FTO: variants seen among roughly 807,000 people sequenced by gnomAD.
FTO encodes FTO alpha-ketoglutarate dependent dioxygenase.
In FTO, 47 loss-of-function variants were observed where a neutral mutation model predicts 63.9. The observed-to-expected ratio is 0.74, with a 90% confidence interval of 0.58 to 0.94. FTO has a LOEUF of 0.94. Ranked by LOEUF, FTO falls within the 40% of genes least tolerant of loss-of-function variation. FTO has a pLI of 0.00. For synonymous variants in FTO, 207 were observed against 224.4 expected (o/e 0.92, Z 0.69); for missense variants, 562 against 618.1 (o/e 0.91, Z 0.96).
intron 4 of FTO, among the ~76,000 whole-genome samples, chr16:53,855,728 T>C (rs890443340): frequency 6.6e-6 from 1 of 152,204 alleles, no homozygotes; most frequent in Non-Finnish European, 1.5e-5. Context: ...GCCTATTCTT[T>C]TTCACAGTAA....
At chr16:54,082,375 A>G (rs2086170308) in intron 8 of FTO, among the ~76,000 whole-genome samples, 1 of 152,192 alleles carries the variant, frequency 6.6e-6, no homozygotes, top group African/African-American at 2.4e-5. Context: ...GTTTTATAAT[A>G]TGTAGAAAAC....
chr16:53,758,190 A>C (rs749131528), intron 1 of FTO, among the ~76,000 whole-genome samples: 1 of 152,212 alleles, frequency 6.6e-6, no homozygotes, highest in Non-Finnish European at 1.5e-5. Context: ...TAAGAAGTAC[A>C]TATGCTGCCT....
intron 7 of FTO, among the ~76,000 whole-genome samples, chr16:53,927,855 A>T (rs4784331): frequency 0.58 from 87,725 of 152,090 alleles, 25,790 homozygotes; most frequent in East Asian, 0.85. Context: ...CTTCTGGTAC[A>T]TAAAAATTTT....
At chr16:54,013,697 G>C (rs1290171868) in intron 8 of FTO, among the ~76,000 whole-genome samples, 9 of 152,178 alleles carry the variant, frequency 5.9e-5, no homozygotes, top group Non-Finnish European at 8.8e-5. Flanking sequence ...ATTGTGACTT[G>C]CTAAAGGCTC....
chr16:54,084,599 A>G (rs1442841572), intron 8 of FTO, among the ~76,000 whole-genome samples: 1 of 152,184 alleles, frequency 6.6e-6, no homozygotes, highest in Non-Finnish European at 1.5e-5. Flanking sequence ...GAAGCATTAA[A>G]TTCAGTGAGT....
At chr16:53,743,654 G>T (rs2076579229) in intron 1 of FTO, among the ~76,000 whole-genome samples, 1 of 150,198 alleles carries the variant, frequency 6.7e-6, no homozygotes, top group African/African-American at 2.5e-5. Flanking sequence ...TTATTATCGT[G>T]GGAATACTTG....
In FTO at chr16:53,915,955, C is replaced by G. The variant is rs564447564; in HGVS notation, c.1240-18030C>G. Among the ~76,000 whole-genome samples, 6 of 152,312 alleles carry G rather than the reference C, an allele frequency of 3.9e-5. No individual in the cohort carries two copies. In the East Asian group the frequency reaches 1.2e-3, roughly 29 times the overall value. On this transcript the variant is annotated intron_variant, in intron 7 of 8. Transcript: ENST00000471389. ...GTTAAGTAGGAATTCATGCCAACCG[C>G]AGCAGTAGTTTGCAGGTTTTAGACT...
At chr16:53,722,920 G>T (rs140265697) in intron 1 of FTO, among the ~76,000 whole-genome samples, 2 of 152,134 alleles carry the variant, frequency 1.3e-5, no homozygotes, top group Admixed American at 1.3e-4. Context: ...ATAGATTTTG[G>T]TGGCTCTTTA....
Position 53,879,855 on chromosome 16 carries a change from A to G in FTO, c.987A>G (p.Gly329=). The G allele has an allele frequency of 6.2e-7, 1 of 1,614,028 alleles. No homozygotes were observed. Among genetic ancestry groups the G allele is most frequent in the Non-Finnish European group, 8.5e-7 (1 of 1,179,944 alleles). The stretch of plus-strand genomic sequence containing the variant: ...TTCTGTCTCAACAGTGCTCAACAGG[A>G]ACCTTGGATTATATTTTACAACGCT... ...STHRVAECST[G]TLDYILQRCQ... Residue 329 remains glycine, a synonymous_variant, in exon 6 of 9, where the codon GGA becomes GGG. Coordinates refer to ENST00000471389, the MANE Select transcript of FTO (RefSeq NM_001080432.3).
At chr16:53,843,523 C>T (rs1391569758) in intron 3 of FTO, among the ~76,000 whole-genome samples, 2 of 152,056 alleles carry the variant, frequency 1.3e-5, no homozygotes, top group South Asian at 4.1e-4. Flanking sequence ...TTATAACATG[C>T]TCAGTTTTAA....
chr16:54,081,766 A>T (rs564503862), intron 8 of FTO, among the ~76,000 whole-genome samples: 9 of 152,278 alleles, frequency 5.9e-5, no homozygotes, highest in African/African-American at 2.2e-4. Flanking sequence ...TCAGGAGAGG[A>T]TGGGCCATTA....
At position 53,983,885 on chromosome 16, in the gene FTO, G is replaced by A. The variant is rs147598903; in HGVS notation, c.1364+49776G>A. On this transcript the variant is annotated intron_variant, in intron 8 of 8. Coordinates refer to ENST00000471389, the MANE Select transcript of FTO (RefSeq NM_001080432.3). ...AGAAATCCAGATGTTTGTATGAAAG[G>A]TATTTTTATAAAAATTTTGACAACT... Among the ~76,000 whole-genome samples, 271 of 152,244 alleles carry A rather than the reference G, an allele frequency of 1.8e-3. 2 individuals carry two copies. Among genetic ancestry groups the A allele is most frequent in the African/African-American group, 5.9e-3 (245 of 41,538 alleles).
At chr16:53,834,325 G>A (rs2079230157) in intron 3 of FTO, among the ~76,000 whole-genome samples, 1 of 152,094 alleles carries the variant, frequency 6.6e-6, no homozygotes, top group African/African-American at 2.4e-5. Context: ...CGCCCGGCCT[G>A]AACTTTTGAT....
chr16:54,108,520 G>A (rs59216419), intron 8 of FTO, among the ~76,000 whole-genome samples: 3,778 of 152,176 alleles, frequency 0.025, 153 homozygotes, highest in African/African-American at 0.086. Flanking sequence ...CCCCTAGAAG[G>A]AGTCTGTCTA....
intron 8 of FTO, among the ~76,000 whole-genome samples, chr16:54,074,003 T>C (rs1311298400): frequency 6.6e-6 from 1 of 152,186 alleles, no homozygotes; most frequent in Non-Finnish European, 1.5e-5. Flanking sequence ...GGGTGTCTTA[T>C]AGTCTGTCCT....
At chr16:53,784,947 C>T (rs116575341) in intron 1 of FTO, among the ~76,000 whole-genome samples, 2,362 of 152,014 alleles carry the variant, frequency 0.016, 59 homozygotes, top group African/African-American at 0.053. Context: ...TTATGAGAAA[C>T]TGTAAAAGAG....
intron 8 of FTO, among the ~76,000 whole-genome samples, chr16:53,964,925 A>G (rs1226848476): frequency 1.3e-5 from 2 of 152,230 alleles, no homozygotes; most frequent in Admixed American, 6.5e-5. Flanking sequence ...GTAAACACAA[A>G]TTATATTATA....
intron 4 of FTO, among the ~76,000 whole-genome samples, chr16:53,862,265 CAAAA>C (rs1163205505): frequency 1.3e-5 from 2 of 151,846 alleles, no homozygotes; most frequent in African/African-American, 4.8e-5. Flanking sequence ...AACAAACAAA[CAAAA>C]AAACCACCAC....
At chr16:53,970,789 T>C (rs547269963) in intron 8 of FTO, among the ~76,000 whole-genome samples, 4 of 151,946 alleles carry the variant, frequency 2.6e-5, no homozygotes, top group Non-Finnish European at 5.9e-5. Context: ...ACTTTTTGAG[T>C]TTTCAGTGTT....
Sources: gnomAD v4.1 joint callset for allele counts (sites outside exome capture counted in the v4.1 genomes callset) on GRCh38, gnomAD v4.1.1 for gene constraint, MANE v1.5 for transcripts, NCBI Gene and HGNC (gene_info 2026-07-23, HGNC 2026-07-21) for gene names.